RASEF: variants seen among roughly 807,000 people sequenced by gnomAD.
RASEF encodes the protein ras and EF-hand domain-containing protein.
A neutral mutation model predicts 90.1 loss-of-function variants in RASEF; 68 were observed. That is an observed-to-expected ratio of 0.75 (90% CI 0.62 to 0.92). RASEF has a LOEUF of 0.92. RASEF is among the 40% of genes least tolerant of loss of function. The pLI is 0.00. For synonymous variants in RASEF, 331 were observed against 345.2 expected, an observed-to-expected ratio of 0.96 and a Z score of 0.46; for missense variants, 949 against 937.2, an observed-to-expected ratio of 1.01 and a Z score of -0.16.
chr9:83,072,426 T>G, the RASEF span, among the ~76,000 whole-genome samples: 1 of 152,092 alleles, frequency 6.6e-6, no homozygotes, highest in Non-Finnish European at 1.5e-5. Context: ...ATAGGACAGA[T>G]GTATATATGA....
intron 15 of RASEF, among the ~76,000 whole-genome samples, chr9:82,991,762 G>A (rs1159225177): frequency 2.0e-5 from 3 of 152,190 alleles, no homozygotes; most frequent in African/African-American, 7.2e-5. Context: ...AGATGCATAA[G>A]GAAGCAAACT....
the RASEF span, among the ~76,000 whole-genome samples, chr9:83,138,864 T>C: frequency 1.3e-5 from 2 of 152,126 alleles, no homozygotes; most frequent in Admixed American, 1.3e-4. Flanking sequence ...ATAAGACTTA[T>C]CTGTGGTTGC....
intron 15 of RASEF, among the ~76,000 whole-genome samples, chr9:82,990,769 A>G (rs1055026034): frequency 1.3e-5 from 2 of 152,190 alleles, no homozygotes; most frequent in Admixed American, 6.5e-5. Context: ...TTTATCAAAT[A>G]TTCCGAGACA....
At chr9:82,987,458 T>C (rs149462199) in intron 16 of RASEF, among the ~76,000 whole-genome samples, 140 of 152,310 alleles carry the variant, frequency 9.2e-4, no homozygotes, top group Middle Eastern at 6.8e-3. Context: ...GTTATCAAAA[T>C]TCTTTTGCAA....
the RASEF span, among the ~76,000 whole-genome samples, chr9:83,198,486 T>C: frequency 2.6e-5 from 4 of 152,208 alleles, no homozygotes; most frequent in African/African-American, 4.8e-5. Flanking sequence ...GCCAGCTGTC[T>C]GGATGGCAGA....
At chr9:83,061,956 A>G (rs1484192810) in intron 1 of RASEF, among the ~76,000 whole-genome samples, 1 of 152,260 alleles carries the variant, frequency 6.6e-6, no homozygotes. Flanking sequence ...ATTTGTGTCC[A>G]GCAATGTAAA....
chr9:83,158,155 G>A, the RASEF span, among the ~76,000 whole-genome samples: 1 of 151,964 alleles, frequency 6.6e-6, no homozygotes, highest in African/African-American at 2.4e-5. Context: ...TCTCAACATG[G>A]TCAAACACTA....
chr9:83,158,849 T>C, the RASEF span, among the ~76,000 whole-genome samples: 1 of 150,864 alleles, frequency 6.6e-6, no homozygotes, highest in Non-Finnish European at 1.5e-5. Context: ...CACACTCACC[T>C]GGGGTAGGTA....
chr9:83,128,025 C>CTTTTTTTTTT, the RASEF span, among the ~76,000 whole-genome samples: 2 of 134,724 alleles, frequency 1.5e-5, no homozygotes, highest in African/African-American at 5.5e-5. Flanking sequence ...TTTTTCTTTT[C>CTTTTTTTTTT]TTTTTTTTTT....
At chr9:83,029,367 G>A (rs969086137) in intron 1 of RASEF, among the ~76,000 whole-genome samples, 3 of 150,542 alleles carry the variant, frequency 2.0e-5, no homozygotes, top group Non-Finnish European at 4.4e-5. Context: ...TGTCCATGTG[G>A]CTGTAAACTC....
intron 5 of RASEF, among the ~76,000 whole-genome samples, chr9:83,010,423 G>A (rs1381068634): frequency 6.6e-6 from 1 of 152,174 alleles, no homozygotes; most frequent in Non-Finnish European, 1.5e-5. Flanking sequence ...TCTAGAAAGT[G>A]GAAACTGATG....
intron 1 of RASEF, among the ~76,000 whole-genome samples, chr9:83,042,292 A>T (rs1050062650): frequency 5.9e-5 from 9 of 152,218 alleles, no homozygotes; most frequent in African/African-American, 2.2e-4. Flanking sequence ...GTGGACAAGG[A>T]GAATCCACAA....
chr9:83,179,384 T>C, the RASEF span, among the ~76,000 whole-genome samples: 1 of 152,150 alleles, frequency 6.6e-6, no homozygotes, highest in Non-Finnish European at 1.5e-5. Context: ...CTAGTCCCAC[T>C]AAAGTACATT....
the RASEF span, among the ~76,000 whole-genome samples, chr9:83,128,852 G>A: frequency 6.6e-6 from 1 of 152,192 alleles, no homozygotes; most frequent in African/African-American, 2.4e-5. Flanking sequence ...GCATGGCCGA[G>A]TGAGGCCCAG....
At chr9:83,107,694 C>T in the RASEF span, among the ~76,000 whole-genome samples, 5 of 152,160 alleles carry the variant, frequency 3.3e-5, no homozygotes, top group African/African-American at 1.2e-4. Flanking sequence ...ATTTCTTAAA[C>T]CATTCTCCTC....
At chr9:83,171,080 G>A in the RASEF span, among the ~76,000 whole-genome samples, 5 of 151,640 alleles carry the variant, frequency 3.3e-5, no homozygotes, top group Non-Finnish European at 5.9e-5. Context: ...GACCTTTATT[G>A]TTTTGAATAT....
intron 1 of RASEF, among the ~76,000 whole-genome samples, chr9:83,043,105 T>C (rs574761204): frequency 6.5e-4 from 99 of 152,374 alleles, no homozygotes; most frequent in South Asian, 2.3e-3. Flanking sequence ...GTGTTGCCCA[T>C]GTCCATATGC....
At chr9:83,061,884 G>A (rs1587531677) in intron 1 of RASEF, among the ~76,000 whole-genome samples, 1 of 152,200 alleles carries the variant, frequency 6.6e-6, no homozygotes, top group Non-Finnish European at 1.5e-5. Context: ...CTACCTTCTA[G>A]GGATGTTATG....
chr9:83,114,119 A>G, the RASEF span, among the ~76,000 whole-genome samples: 1 of 152,230 alleles, frequency 6.6e-6, no homozygotes, highest in Non-Finnish European at 1.5e-5. Context: ...TGGAGGGACC[A>G]GCTGAAGCCA....
Sources: gnomAD v4.1 joint callset for allele counts (sites outside exome capture counted in the v4.1 genomes callset) on GRCh38, gnomAD v4.1.1 for gene constraint, MANE v1.5 for transcripts, NCBI Gene and HGNC (gene_info 2026-07-23, HGNC 2026-07-21) for gene names.